Variants in FHIT observed in about 807,000 individuals in gnomAD.
FHIT encodes the protein fragile histidine triad diadenosine triphosphatase, also known as bis(5'-adenosyl)-triphosphatase.
Under a neutral mutation model 17.9 loss-of-function variants are expected in FHIT, and 19 were observed. The observed-to-expected ratio is 1.06, with a 90% CI of 0.74 to 1.56. The LOEUF is 1.56. FHIT is among the 40% of genes most tolerant of loss of function. The pLI is 0.00. For missense variants in FHIT, 248 were observed against 189.2 expected, an observed-to-expected ratio of 1.31 and a Z score of -1.82; for synonymous variants, 81 against 69.7, an observed-to-expected ratio of 1.16 and a Z score of -0.81.
At chr3:60,163,503 C>A (rs1413482202) in intron 5 of FHIT, among the ~76,000 whole-genome samples, 2 of 152,036 alleles carry the variant, frequency 1.3e-5, no homozygotes, top group East Asian at 1.9e-4. Context: ...CCTCCAAGGC[C>A]CCCTGTGCTT....
At chr3:60,069,115 A>C (rs1702647377) in intron 5 of FHIT, among the ~76,000 whole-genome samples, 1 of 137,934 alleles carries the variant, frequency 7.2e-6, no homozygotes, top group South Asian at 2.2e-4. Context: ...GTTTATAATC[A>C]AATCTAGATA....
intron 3 of FHIT, among the ~76,000 whole-genome samples, chr3:61,039,616 C>T (rs1360408666): frequency 6.6e-6 from 1 of 152,098 alleles, no homozygotes; most frequent in Admixed American, 6.6e-5. Context: ...GAAAACCAAA[C>T]ACCACATGTT....
At chr3:60,207,010 C>T (rs941346371) in intron 5 of FHIT, among the ~76,000 whole-genome samples, 14 of 152,172 alleles carry the variant, frequency 9.2e-5, no homozygotes, top group Non-Finnish European at 2.1e-4. Context: ...AACATACATA[C>T]ACAACTAAGT....
intron 2 of FHIT, among the ~76,000 whole-genome samples, chr3:61,159,936 C>A (rs17689244): frequency 0.016 from 2,473 of 152,258 alleles, 35 homozygotes; most frequent in Non-Finnish European, 0.024. Context: ...TACCTGAGAA[C>A]TTTGATGCCA....
At chr3:61,161,973 AT>A (rs1308266089) in intron 2 of FHIT, among the ~76,000 whole-genome samples, 5 of 152,198 alleles carry the variant, frequency 3.3e-5, no homozygotes, top group African/African-American at 1.2e-4. Flanking sequence ...TGATTTTTTG[AT>A]TCTCTCAAAT....
intron 4 of FHIT, among the ~76,000 whole-genome samples, chr3:60,759,248 T>C (rs782462925): frequency 5.3e-5 from 8 of 152,200 alleles, no homozygotes; most frequent in Non-Finnish European, 4.4e-5. Flanking sequence ...TTCTGGCTAC[T>C]GTGTTGCAAA....
chr3:60,406,497 C>T (rs1025140084), intron 5 of FHIT, among the ~76,000 whole-genome samples: 3 of 152,198 alleles, frequency 2.0e-5, no homozygotes, highest in African/African-American at 4.8e-5. Flanking sequence ...GAAAGAGACA[C>T]ACGGCACTTC....
intron 4 of FHIT, among the ~76,000 whole-genome samples, chr3:60,546,277 G>C (rs915923711): frequency 6.6e-6 from 1 of 151,820 alleles, no homozygotes; most frequent in Non-Finnish European, 1.5e-5. Context: ...GTTAAGTCTG[G>C]TTTTTCTCTC....
intron 8 of FHIT, among the ~76,000 whole-genome samples, chr3:59,866,106 G>C (rs912599406): frequency 5.9e-5 from 9 of 152,254 alleles, no homozygotes; most frequent in African/African-American, 2.2e-4. Context: ...AGACGATACA[G>C]AGACCAGCAA....
chr3:60,230,687 G>C (rs1345275514), intron 5 of FHIT, among the ~76,000 whole-genome samples: 2 of 152,112 alleles, frequency 1.3e-5, no homozygotes, highest in Admixed American at 1.3e-4. Flanking sequence ...TTTGTCCAAA[G>C]AATTCTCAAA....
chr3:59,970,260 G>A (rs557764923), intron 7 of FHIT, among the ~76,000 whole-genome samples: 3 of 152,240 alleles, frequency 2.0e-5, no homozygotes, highest in East Asian at 1.9e-4. Flanking sequence ...AAATATGAGA[G>A]CACAAGACAC....
In FHIT at chr3:60,208,369, A is replaced by C. The variant is rs561860401; in HGVS notation, c.104-194217T>G. On this transcript the variant is annotated intron_variant, in intron 5 of 9. Coordinates refer to ENST00000492590, the MANE Select transcript of FHIT (RefSeq NM_002012.4). ...GGTAGGCAAAGTGTACTCTGAAATC[A>C]CCTCCCCCCAAATTGTAAATTCATT... Among the ~76,000 whole-genome samples, 8 of 144,342 alleles carry C rather than the reference A, an allele frequency of 5.5e-5. No individual in the cohort carries two copies. The East Asian group carries it at 9.7e-4, about 18-fold the overall frequency. 94.7% of individuals were successfully genotyped at this position (144,342 alleles called of 152,430 possible).
intron 1 of FHIT, among the ~76,000 whole-genome samples, chr3:61,250,761 T>C (rs778663398): frequency 5.3e-5 from 8 of 152,036 alleles, no homozygotes; most frequent in Non-Finnish European, 1.0e-4. Flanking sequence ...ACCGATGAGT[T>C]CTCCCACAAC....
At chr3:60,430,092 C>G (rs1244806131) in intron 5 of FHIT, among the ~76,000 whole-genome samples, 2 of 151,828 alleles carry the variant, frequency 1.3e-5, no homozygotes, top group African/African-American at 4.8e-5. Context: ...GATCATGGCA[C>G]CAAAATGAGA....
At chr3:60,124,151 C>G (rs2107235345) in intron 5 of FHIT, among the ~76,000 whole-genome samples, 1 of 149,784 alleles carries the variant, frequency 6.7e-6, no homozygotes, top group East Asian at 2.0e-4. Flanking sequence ...CTCCTGGGTT[C>G]AAGTGATCCT....
At chr3:60,417,521 CAAAGA>C (rs1201751010) in intron 5 of FHIT, among the ~76,000 whole-genome samples, 4 of 151,998 alleles carry the variant, frequency 2.6e-5, no homozygotes, top group African/African-American at 9.7e-5. Context: ...AGAAAAGAGG[CAAAGA>C]AAATATAATA....
Position 59,754,395 on chromosome 3 carries a change from G to GCAAA in FHIT, c.349-2078_349-2075dup, listed in dbSNP as rs548964701. ...AGAAGTCATTTCCTTTCTTGCAGAG[G>GCAAA]CAAACATGCTGCAGTTGCTACAGGC... is the stretch of plus-strand genomic sequence containing the variant. On this transcript the variant is annotated intron_variant, in intron 8 of 9. Coordinates refer to ENST00000492590, the MANE Select transcript of FHIT (RefSeq NM_002012.4). Among the ~76,000 whole-genome samples the GCAAA allele has an allele frequency of 2.1e-3, 326 of 152,298 alleles. 1 individual carries two copies. Among genetic ancestry groups the GCAAA allele is most frequent in the African/African-American group, 7.3e-3 (305 of 41,550 alleles).
intron 2 of FHIT, among the ~76,000 whole-genome samples, chr3:61,050,146 T>C (rs2033972658): frequency 6.6e-6 from 1 of 152,208 alleles, no homozygotes; most frequent in South Asian, 2.1e-4. Context: ...AATAAATCGG[T>C]TTGCTTTTCT....
intron 5 of FHIT, among the ~76,000 whole-genome samples, chr3:60,244,803 C>G (rs73832555): frequency 0.042 from 6,390 of 152,134 alleles, 300 homozygotes; most frequent in African/African-American, 0.11. Flanking sequence ...AAAGATCTTA[C>G]ATTTGATCAG....
Sources: allele counts gnomAD v4.1 joint callset (sites outside exome capture counted in the v4.1 genomes callset), GRCh38; gene constraint gnomAD v4.1.1; transcripts MANE v1.5; gene names NCBI Gene and HGNC (gene_info 2026-07-23, HGNC 2026-07-21).